Variants in PDE5A observed in about 807,000 individuals in gnomAD.
The protein encoded by PDE5A is phosphodiesterase 5A, also known as cGMP-specific 3',5'-cyclic phosphodiesterase.
Under a neutral mutation model 110.2 loss-of-function variants are expected in PDE5A, and 67 were observed. That is an observed-to-expected ratio of 0.61 (90% CI 0.50 to 0.75). PDE5A has a LOEUF of 0.75. PDE5A is among the 30% of genes least tolerant of loss of function. The pLI, the probability that PDE5A is intolerant of heterozygous loss-of-function variation, is 0.00. For synonymous variants in PDE5A, 328 were observed against 351.2 expected (o/e 0.93, Z 0.74); for missense variants, 862 against 1,045.1 (o/e 0.82, Z 2.42).
chr4:119,508,050 A>G (rs1302194173), intron 15 of PDE5A, among the ~76,000 whole-genome samples: 1 of 152,000 alleles, frequency 6.6e-6, no homozygotes, highest in African/African-American at 2.4e-5. Flanking sequence ...AAAAAAAGCC[A>G]TATTAATGGA....
At chr4:119,612,063 T>C (rs909233104) in intron 1 of PDE5A, among the ~76,000 whole-genome samples, 1 of 152,208 alleles carries the variant, frequency 6.6e-6, no homozygotes, top group Non-Finnish European at 1.5e-5. Context: ...AAAATTCTTA[T>C]ATAAGACATA....
intron 2 of PDE5A, among the ~76,000 whole-genome samples, chr4:119,602,271 T>C (rs1254759165): frequency 6.6e-6 from 1 of 152,180 alleles, no homozygotes; most frequent in East Asian, 1.9e-4. Flanking sequence ...ATAATAAGCA[T>C]ATATTCCTTA....
At chr4:119,548,792 A>T (rs1258777650) in intron 9 of PDE5A, 1 of 152,074 alleles carries the variant, frequency 6.6e-6, no homozygotes, top group Non-Finnish European at 1.5e-5. Context: ...TCTTCCACCT[A>T]TTACTGCCCT....
intron 3 of PDE5A, among the ~76,000 whole-genome samples, chr4:119,573,384 T>C (rs1203408801): frequency 6.6e-6 from 1 of 152,228 alleles, no homozygotes; most frequent in Non-Finnish European, 1.5e-5. Flanking sequence ...CTGATGGGCA[T>C]AAAATTGCAT....
chr4:119,610,935 C>A lies in PDE5A; in HGVS notation c.153-3638G>T, dbSNP rs189572130. 2.0e-5 allele frequency among the ~76,000 whole-genome samples: 3 copies of A among 152,272 alleles called. No homozygotes were observed. In the South Asian group the frequency reaches 6.2e-4, roughly 32 times the overall value. ...CACAGCAGCCACAGTAAATTTTCAG[C>A]AAAGTATGTCAACATCTTAGCTACC... On this transcript the variant is annotated intron_variant, in intron 1 of 20. Coordinates refer to ENST00000354960, the MANE Select transcript of PDE5A (RefSeq NM_001083.4).
At position 119,520,966 on chromosome 4, in the gene PDE5A, A is replaced by G. The variant is rs199872206; in HGVS notation, c.1874T>C (p.Met625Thr). 6.8e-5 allele frequency: 110 copies of G among 1,612,402 alleles called. 3 individuals are homozygous for G. In the South Asian group the frequency reaches 7.0e-4, roughly 10 times the overall value. ...WRHAFNTAQCMFAALKAGKIQ... is the reference protein window; with the variant it reads ...WRHAFNTAQCTFAALKAGKIQ... The stretch of plus-strand genomic sequence containing the variant: ...TTTGCCTGCTTTTAGAGCAGCAAAC[A>G]TGCACTGAGCTGTATTAAAGGCATG... The change falls in exon 13 of 21, where the codon ATG (methionine) becomes ACG (threonine). Residue 625 changes from methionine to threonine, a missense_variant. Coordinates refer to ENST00000354960, the MANE Select transcript of PDE5A (RefSeq NM_001083.4).
chr4:119,552,812 T>C (rs1403105101), intron 8 of PDE5A, among the ~76,000 whole-genome samples, 175 bp from the exon 9 acceptor site: 1 of 152,092 alleles, frequency 6.6e-6, no homozygotes, highest in Non-Finnish European at 1.5e-5. Flanking sequence ...ATAAATGCAA[T>C]ATAAAGCAAT....
At chr4:119,559,017 TA>T (rs1727645123) in intron 7 of PDE5A, among the ~76,000 whole-genome samples, 1 of 152,156 alleles carries the variant, frequency 6.6e-6, no homozygotes, top group East Asian at 1.9e-4. Flanking sequence ...ATAAATCAGT[TA>T]AAATGATCCA....
chr4:119,596,850 G>A (rs970034010), intron 2 of PDE5A, among the ~76,000 whole-genome samples: 1 of 151,920 alleles, frequency 6.6e-6, no homozygotes, highest in African/African-American at 2.4e-5. Context: ...ATACAGACTC[G>A]AACAAATGTT....
intron 3 of PDE5A, among the ~76,000 whole-genome samples, chr4:119,573,062 A>G (rs7691391): frequency 0.036 from 5,423 of 152,324 alleles, 156 homozygotes; most frequent in Non-Finnish European, 0.056. Context: ...ATTATATTCA[A>G]TGTTGTTTTT....
chr4:119,526,368 C>T (rs1304748925), intron 11 of PDE5A, among the ~76,000 whole-genome samples: 1 of 152,104 alleles, frequency 6.6e-6, no homozygotes, highest in Non-Finnish European at 1.5e-5. Flanking sequence ...TATTAAAAAA[C>T]ATTCATTTGG....
At chr4:119,507,477 T>A in intron 16 of PDE5A, 127 bp downstream of exon 16, 1 of 624,540 alleles carries the variant, frequency 1.6e-6, no homozygotes, top group Non-Finnish European at 2.8e-6. Flanking sequence ...CAGAAACTGC[T>A]CCGTATTCTG....
At chr4:119,558,160 A>C (rs1005510620) in intron 7 of PDE5A, among the ~76,000 whole-genome samples, 2 of 152,208 alleles carry the variant, frequency 1.3e-5, no homozygotes, top group African/African-American at 4.8e-5. Context: ...CACCATGTGG[A>C]AATGAGCCTC....
intron 2 of PDE5A, among the ~76,000 whole-genome samples, chr4:119,598,661 C>A (rs937421793): frequency 3.3e-5 from 5 of 152,130 alleles, no homozygotes; most frequent in African/African-American, 1.2e-4. Context: ...ATGGGCAGAG[C>A]AAAGAAAAAG....
chr4:119,625,540 C>G (rs1730316712), intron 1 of PDE5A, among the ~76,000 whole-genome samples: 1 of 152,124 alleles, frequency 6.6e-6, no homozygotes, highest in African/African-American at 2.4e-5. Flanking sequence ...TTGTTTTTAT[C>G]AGCAAGCCTG....
chr4:119,538,181 C>T (rs1212520109), intron 11 of PDE5A, among the ~76,000 whole-genome samples: 1 of 152,036 alleles, frequency 6.6e-6, no homozygotes, highest in Non-Finnish European at 1.5e-5. Flanking sequence ...CATGAGAAAA[C>T]AGTTGTGCAG....
At chr4:119,617,523 T>C (rs1446304512) in intron 1 of PDE5A, among the ~76,000 whole-genome samples, 1 of 152,188 alleles carries the variant, frequency 6.6e-6, no homozygotes, top group African/African-American at 2.4e-5. Context: ...ATATTCCAGA[T>C]GTCTTGAAAT....
intron 11 of PDE5A, among the ~76,000 whole-genome samples, chr4:119,530,683 G>A (rs1402750806): frequency 6.6e-6 from 1 of 151,986 alleles, no homozygotes; most frequent in Non-Finnish European, 1.5e-5. Flanking sequence ...TGCCTGCATA[G>A]AATAGGGGTT....
chr4:119,595,191 T>G (rs780696624), intron 3 of PDE5A, among the ~76,000 whole-genome samples: 9 of 151,570 alleles, frequency 5.9e-5, no homozygotes, highest in Non-Finnish European at 1.3e-4. Context: ...GGTAACACAC[T>G]AGATGGAGGA....
Sources: allele counts gnomAD v4.1 joint callset (sites outside exome capture counted in the v4.1 genomes callset), GRCh38; gene constraint gnomAD v4.1.1; transcripts MANE v1.5; gene names NCBI Gene and HGNC (gene_info 2026-07-23, HGNC 2026-07-21).